SLC38A5: variants seen among roughly 807,000 people sequenced by gnomAD.
SLC38A5 encodes sodium-coupled neutral amino acid transporter 5.
SLC38A5 carries 9 observed loss-of-function variants against 34.6 expected under a neutral mutation model. That is an observed-to-expected ratio of 0.26 (90% CI 0.16 to 0.45). The LOEUF is 0.45. Ranked by LOEUF, SLC38A5 falls within the 20% of genes least tolerant of loss-of-function variation. SLC38A5 has a pLI of 1.00. For missense variants in SLC38A5, 253 were observed against 394.7 expected (o/e 0.64, Z 3.04); for synonymous variants, 157 against 155.6 (o/e 1.01, Z -0.07).
rs1244266323 is a variant in SLC38A5 at position 48,467,084 on chromosome X, G to A, written c.130-7C>T. 9.2e-6 allele frequency: 11 copies of A among 1,198,239 alleles called. No homozygotes were observed. Among genetic ancestry groups the A allele is most frequent in the South Asian group, 8.9e-5 (5 of 55,913 alleles). On this transcript the variant is annotated splice_polypyrimidine_tract_variant and splice_region_variant and intron_variant, in intron 4 of 16. Coordinates refer to ENST00000620913, the MANE Select transcript of SLC38A5 (RefSeq NM_033518.4). ...ACGATGTCTTCCCCTCGAACTGCAC[G>A]CAAGGAGCAAAGCCCGGGCACACAT...
chrX:48,460,412 C>T (rs1219298471), intron 14 of SLC38A5, among the ~76,000 whole-genome samples: 2 of 111,782 alleles, frequency 1.8e-5, no homozygotes, highest in African/African-American at 6.5e-5. Context: ...GTGCCTCCTC[C>T]CTCCAACTGA....
chrX:48,464,721 C>T (rs1287603316), intron 8 of SLC38A5, among the ~76,000 whole-genome samples: 4 of 111,668 alleles, frequency 3.6e-5, no homozygotes, highest in African/African-American at 9.8e-5. Flanking sequence ...GCCAAGATGG[C>T]GCCACTGCAC....
chrX:48,463,913 G>GAA lies in SLC38A5; in HGVS notation c.492-935_492-934dup, dbSNP rs1556962640. ...AAAGAAAGAAAGAAAGAAAGAAAGA[G>GAA]AAAGAAAGAAAGGAGAAAATCAGTG... On this transcript the variant is annotated intron_variant, in intron 8 of 16. Transcript: ENST00000620913. 8.9e-3 allele frequency among the ~76,000 whole-genome samples: 859 copies of GAA among 96,285 alleles called. 17 individuals carry two copies. The highest frequency in any genetic ancestry group is 0.029 in the African/African-American group (756 of 26,042). The allele number at this position is 96,285 out of a possible 115,157, so 83.6% of individuals were successfully genotyped here. A position where few individuals can be genotyped will look rare whatever the true frequency, so the allele number is the denominator to read the frequency against.
Position 48,466,227 on chromosome X carries a change from C to T in SLC38A5, c.412+3G>A. On this transcript the variant is annotated splice_donor_region_variant and intron_variant, in intron 7 of 16. Coordinates refer to ENST00000620913, the MANE Select transcript of SLC38A5 (RefSeq NM_033518.4). ...GCTGACCCCCACCTCCCAGAGTCCT[C>T]ACCCCCAACATTGTGCAGACAGATG... 2 of 1,201,111 alleles carry T rather than the reference C, an allele frequency of 1.7e-6. No homozygotes were observed. Among genetic ancestry groups the T allele is most frequent in the Non-Finnish European group, 2.2e-6 (2 of 889,663 alleles).
intron 14 of SLC38A5, among the ~76,000 whole-genome samples, chrX:48,460,152 T>G (rs1239132097): frequency 1.8e-5 from 2 of 110,894 alleles, no homozygotes; most frequent in Non-Finnish European, 3.8e-5. Context: ...CTCCTCTAGC[T>G]GACCATCTTT....
chrX:48,468,242 C>G (rs1409065446), intron 2 of SLC38A5: 1 of 953,048 alleles, frequency 1.0e-6, no homozygotes, highest in Admixed American at 5.2e-5. Flanking sequence ...GAGCCGGACC[C>G]CAGCGCAGAT....
intron 14 of SLC38A5, 51 bp from the exon 15 acceptor site, chrX:48,459,927 C>G (rs1354076616): frequency 3.4e-6 from 4 of 1,168,217 alleles, no homozygotes; most frequent in Non-Finnish European, 4.6e-6. Context: ...TGCTGCCCCC[C>G]TTCCACGTGA....
intron 3 of SLC38A5, 32 bp downstream of exon 3, chrX:48,467,840 C>T: frequency 8.3e-7 from 1 of 1,204,520 alleles, no homozygotes; most frequent in Non-Finnish European, 1.1e-6. Context: ...ACCCCTGATC[C>T]CTGAGCCCAC....
chrX:48,468,298 G>C (rs2061493815), intron 2 of SLC38A5: 2 of 841,179 alleles, frequency 2.4e-6, no homozygotes, highest in Non-Finnish European at 1.4e-6. Context: ...CCAGACCCCA[G>C]ACTCACGCTG....
chrX:48,466,612 G>A (rs1404680413), intron 6 of SLC38A5, among the ~76,000 whole-genome samples, 187 bp downstream of exon 6: 1 of 104,450 alleles, frequency 9.6e-6, no homozygotes, highest in African/African-American at 3.5e-5. Flanking sequence ...AGGGGTGGGG[G>A]TTAGAGGTAG....
intron 2 of SLC38A5, chrX:48,468,703 C>T (rs782802605): frequency 3.5e-6 from 1 of 281,956 alleles, no homozygotes; most frequent in Non-Finnish European, 4.8e-6. Context: ...TTTTCCAGGG[C>T]CCCTAGCAAG....
At chrX:48,466,688 G>C in intron 6 of SLC38A5, 111 bp downstream of exon 6, 9 of 842,692 alleles carry the variant, frequency 1.1e-5, no homozygotes, top group Non-Finnish European at 1.2e-5. Context: ...CATTCAGGGA[G>C]CTGGGTCTGG....
At position 48,462,937 on chromosome X, in the gene SLC38A5, C is replaced by T; in HGVS notation, c.535G>A (p.Val179Met). The change falls in exon 9 of 17, where the codon GTG (valine) becomes ATG (methionine). Residue 179 changes from valine to methionine, a missense_variant. Val to Met is a conservative substitution (Grantham distance 21). This residue lies in a region of SLC38A5 where 176 missense variants were observed against 273.0 expected (regional missense o/e 0.64). Coordinates refer to ENST00000620913, the MANE Select transcript of SLC38A5 (RefSeq NM_033518.4). ...AGGGCGAGGGGCAGGATGATTAACA[C>T]ACTGACGATGATGATGAGGAGGTTT... Reference protein sequence around the residue: ...KGNLLIIIVSVLIILPLALMK... With the variant: ...KGNLLIIIVSMLIILPLALMK... 1.7e-6 allele frequency: 2 copies of T among 1,209,648 alleles called. No homozygotes were observed. Among genetic ancestry groups the T allele is most frequent in the East Asian group, 5.9e-5 (2 of 33,819 alleles).
At chrX:48,460,547 T>C in intron 14 of SLC38A5, 102 bp downstream of exon 14, 1 of 815,409 alleles carries the variant, frequency 1.2e-6, no homozygotes, top group Middle Eastern at 3.9e-4. Context: ...CTTGCCTCCT[T>C]CATCCATCCA....
intron 13 of SLC38A5, 69 bp from the exon 14 acceptor site, chrX:48,460,833 C>T: frequency 4.7e-6 from 5 of 1,066,603 alleles, no homozygotes; most frequent in Non-Finnish European, 6.4e-6. Flanking sequence ...GCCCCAGAAA[C>T]CCATACATAC....
At position 48,462,127 on chromosome X, in the gene SLC38A5, G is replaced by C; in HGVS notation, c.651C>G (p.Phe217Leu). The change falls in exon 11 of 17, where the codon TTC becomes TTG. Residue 217 changes from phenylalanine to leucine, a missense_variant. By Grantham distance (22) the Phe-to-Leu change is conservative. Around this residue, in one of 3 missense-constraint regions of SLC38A5, gnomAD observed 176 missense variants for 273.0 expected, o/e 0.64. Transcript: ENST00000620913. The stretch of plus-strand genomic sequence containing the variant: ...TGTGGCCTATAGCACAGCCAAGTTG[G>C]AACTTCTTGTAGATGACCTGAGGAT... ...FFLVSVIYKK[F>L]QLGCAIGHNE... 8.3e-7 allele frequency: 1 copy of C among 1,205,097 alleles called. No individual in the cohort carries two copies. The highest frequency in any genetic ancestry group is 1.1e-6 in the Non-Finnish European group (1 of 891,028).
rs1238177432 is a variant in SLC38A5 at position 48,468,055 on chromosome X, G to A, written c.-1-130C>T. 1.5e-5 allele frequency: 12 copies of A among 824,589 alleles called. No individual in the cohort carries two copies. The African/African-American group carries it at 2.1e-4, about 14-fold the overall frequency. The allele number at this position is 824,589 out of a possible 1,213,427, so 68.0% of individuals were successfully genotyped here. On this transcript the variant is annotated intron_variant, in intron 2 of 16. Coordinates refer to ENST00000620913, the MANE Select transcript of SLC38A5 (RefSeq NM_033518.4). ...AAAGACGGAGAAAGAGACAAGGCAG[G>A]GGAGCAGGAACAGACAGGGATAGAA... is the stretch of plus-strand genomic sequence containing the variant.
intron 2 of SLC38A5, chrX:48,468,467 G>T (rs1047635590): frequency 1.0e-5 from 7 of 689,954 alleles, no homozygotes; most frequent in Non-Finnish European, 1.7e-6. Context: ...CCTCCTTCCC[G>T]CCTGGGCCCC....
At chrX:48,469,169 C>G in intron 2 of SLC38A5, 166 bp downstream of exon 2, 1 of 273,084 alleles carries the variant, frequency 3.7e-6, no homozygotes, top group Non-Finnish European at 5.0e-6. Context: ...CCTGAATTCA[C>G]TTCCTGGGAT....
Sources: allele counts gnomAD v4.1 joint callset (sites outside exome capture counted in the v4.1 genomes callset), GRCh38; gene constraint gnomAD v4.1.1; regional missense constraint gnomAD v4.1.1; transcripts MANE v1.5; gene names NCBI Gene and HGNC (gene_info 2026-07-23, HGNC 2026-07-21).